Variants in SLC6A20 observed in about 807,000 individuals in gnomAD.
SLC6A20 encodes solute carrier family 6 member 20.
Under a neutral mutation model 64.3 loss-of-function variants are expected in SLC6A20, and 73 were observed. The observed-to-expected ratio is 1.14, with a 90% CI of 0.94 to 1.38. The LOEUF is 1.38. SLC6A20 is among the 40% of genes most tolerant of loss of function. SLC6A20 has a pLI of 0.00. For synonymous variants in SLC6A20, 347 were observed against 329.6 expected, an observed-to-expected ratio of 1.05 and a Z score of -0.57; for missense variants, 725 against 772.8, an observed-to-expected ratio of 0.94 and a Z score of 0.73.
rs746459390 is a variant in SLC6A20, at chr3:45,779,995, G to GC, written c.354+13dup. The GC allele has an allele frequency of 1.3e-6, 2 of 1,589,880 alleles. No individual in the cohort carries two copies. The highest frequency in any genetic ancestry group is 1.7e-6 in the Non-Finnish European group (2 of 1,167,602). On this transcript the variant is annotated intron_variant, in intron 3 of 10. Coordinates refer to ENST00000358525, the MANE Select transcript of SLC6A20 (RefSeq NM_020208.4). ...CGCTCCTACTCCTGTTCTGGCACGG[G>GC]CCCCCCGGCTCACCTGGAAGGAGTG... is the stretch of plus-strand genomic sequence containing the variant.
At chr3:45,793,699 T>A (rs985845207) in intron 1 of SLC6A20, among the ~76,000 whole-genome samples, 2 of 152,238 alleles carry the variant, frequency 1.3e-5, no homozygotes, top group African/African-American at 4.8e-5. Context: ...TGGCACAGCC[T>A]GGCTCTGTGG....
chr3:45,757,437 G>A lies in SLC6A20; in HGVS notation c.*1541C>T, dbSNP rs1252540430. ...GCAGAGGTCCCTGCAGCTTTCTGCT[G>A]TGCATTGTGTCCCTGGTTAATCGAG... On this transcript the variant is annotated 3_prime_UTR_variant, in exon 11 of 11. Coordinates refer to ENST00000358525, the MANE Select transcript of SLC6A20 (RefSeq NM_020208.4). 6.6e-6 allele frequency: 1 copy of A among 152,292 alleles called. No individual in the cohort carries two copies. The highest frequency in any genetic ancestry group is 6.5e-5 in the Admixed American group (1 of 15,268). 9.4% of individuals were successfully genotyped at this position (152,292 alleles called of 1,614,324 possible).
chr3:45,787,932 T>C (rs76890051), intron 1 of SLC6A20, among the ~76,000 whole-genome samples: 5,818 of 152,224 alleles, frequency 0.038, 361 homozygotes, highest in African/African-American at 0.13. Flanking sequence ...CTCCATCTCT[T>C]TATCCTGTTC....
In SLC6A20 at chr3:45,756,915, A is replaced by G. The variant is rs969949744; in HGVS notation, c.*2063T>C. On this transcript the variant is annotated 3_prime_UTR_variant, in exon 11 of 11. Transcript: ENST00000358525. ...TGAGTTCCCTCAGTATTTATTGATC[A>G]TTATTTTTACTGTCTTAGCGAGGGG... is the stretch of plus-strand genomic sequence containing the variant. The G allele has an allele frequency of 1.3e-5, 2 of 152,160 alleles. No individual in the cohort carries two copies. Among genetic ancestry groups the G allele is most frequent in the South Asian group, 4.1e-4 (2 of 4,822 alleles). 9.4% of individuals were successfully genotyped at this position (152,160 alleles called of 1,614,324 possible). A position where few individuals can be genotyped will look rare whatever the true frequency, so the allele number is the denominator to read the frequency against.
rs770985549 is a variant in SLC6A20, at chr3:45,759,041, C to T, written c.1716G>A (p.Leu572=). The change falls in exon 11 of 11, where the codon CTG becomes CTA. Residue 572 remains leucine, a synonymous_variant. Transcript: ENST00000358525. The part of the protein sequence containing the change: ...LVASSTMCIP[L]AALGTFVQRR... ...GCTGAACAAAAGTCCCCAGGGCCGCCAGGGGGATGCACATGGTGGAGGAGG... is the reference window on the plus strand; with the variant it reads ...GCTGAACAAAAGTCCCCAGGGCCGCTAGGGGGATGCACATGGTGGAGGAGG... The T allele has an allele frequency of 6.8e-6, 11 of 1,612,488 alleles. No individual in the cohort carries two copies. In the Admixed American group the frequency reaches 8.4e-5, roughly 12 times the overall value.
Position 45,772,501 on chromosome 3 carries a change from G to T in SLC6A20, c.693+4C>A, listed in dbSNP as rs2276858. ...CCGTAGGGCCCTTCCGCTTCAGCCC[G>T]TACCTTGGGAGTGAACATGTACATG... On this transcript the variant is annotated splice_donor_region_variant and intron_variant, in intron 5 of 10. Transcript: ENST00000358525. 1 of 1,609,932 alleles carries T rather than the reference G, an allele frequency of 6.2e-7. No individual in the cohort carries two copies.
chr3:45,790,851 C>A (rs960853156), intron 1 of SLC6A20, among the ~76,000 whole-genome samples: 1 of 152,236 alleles, frequency 6.6e-6, no homozygotes, highest in Non-Finnish European at 1.5e-5. Flanking sequence ...AGTTTCCTCT[C>A]CTGCCATTGC....
intron 9 of SLC6A20, among the ~76,000 whole-genome samples, chr3:45,760,246 C>A (rs1420076364): frequency 6.6e-6 from 1 of 152,182 alleles, no homozygotes; most frequent in Non-Finnish European, 1.5e-5. Context: ...GAGCAAGCAA[C>A]CCGCAGAGAG....
intron 4 of SLC6A20, among the ~76,000 whole-genome samples, chr3:45,774,189 A>G (rs555240485): frequency 6.6e-6 from 1 of 152,346 alleles, no homozygotes; most frequent in Admixed American, 6.5e-5. Context: ...ATTTACATAG[A>G]GCTGTTGGGG....
At chr3:45,785,734 C>T (rs777750810) in intron 1 of SLC6A20, among the ~76,000 whole-genome samples, 2 of 151,916 alleles carry the variant, frequency 1.3e-5, no homozygotes, top group Non-Finnish European at 2.9e-5. Flanking sequence ...AGATTAAATA[C>T]AGCCACACAT....
At chr3:45,796,233 C>T (rs1039880842) in intron 1 of SLC6A20, 66 bp downstream of exon 1, 2 of 1,548,608 alleles carry the variant, frequency 1.3e-6, no homozygotes, top group Non-Finnish European at 1.7e-6. Flanking sequence ...GGTCTAACCC[C>T]GGCTCGCACA....
At chr3:45,790,512 A>G (rs1402395750) in intron 1 of SLC6A20, 1 of 152,172 alleles carries the variant, frequency 6.6e-6, no homozygotes, top group Non-Finnish European at 1.5e-5. Context: ...TTGGAGTCAA[A>G]CCCAGTCAAC....
In SLC6A20 at chr3:45,772,526, G is replaced by A; in HGVS notation, c.672C>T (p.Leu224=). 1.2e-6 allele frequency: 2 copies of A among 1,613,886 alleles called. No homozygotes were observed. Among genetic ancestry groups the A allele is most frequent in the South Asian group, 2.2e-5 (2 of 91,036 alleles). Reference sequence around the variant, plus strand: ...GTACCTTGGGAGTGAACATGTACATGAGGCCATTGGTGGCTCCGTGGAGCG... The same window carrying A: ...GTACCTTGGGAGTGAACATGTACATAAGGCCATTGGTGGCTCCGTGGAGCG... ...GLTLHGATNG[L]MYMFTPKIEQ... is the part of the protein sequence containing the mutation. Residue 224 remains leucine, a synonymous_variant, in exon 5 of 11, where the codon CTC becomes CTT. Transcript: ENST00000358525.
intron 4 of SLC6A20, among the ~76,000 whole-genome samples, chr3:45,773,204 C>T (rs1192308137): frequency 2.0e-5 from 3 of 152,148 alleles, no homozygotes; most frequent in South Asian, 2.1e-4. Context: ...AGATTGGTCA[C>T]GAGTGCTCAT....
At chr3:45,781,680 G>A (rs1035974209) in intron 2 of SLC6A20, among the ~76,000 whole-genome samples, 1 of 152,212 alleles carries the variant, frequency 6.6e-6, no homozygotes, top group African/African-American at 2.4e-5. Context: ...TATCCTATAG[G>A]CTGGCTCCCA....
At position 45,780,632 on chromosome 3, in the gene SLC6A20, G is replaced by A. The variant is rs554577541; in HGVS notation, c.263-532C>T. ...GGTGTGAGGAGGCGGTGGGGAGGGG[G>A]CTGCCCGTAATTCGGTCAGGCCTGC... On this transcript the variant is annotated intron_variant, in intron 2 of 10. Coordinates refer to ENST00000358525, the MANE Select transcript of SLC6A20 (RefSeq NM_020208.4). 1.9e-4 allele frequency among the ~76,000 whole-genome samples: 29 copies of A among 152,270 alleles called. No homozygotes were observed. The East Asian group carries it at 4.8e-3, about 25-fold the overall frequency.
At chr3:45,770,084 G>T in intron 7 of SLC6A20, 125 bp downstream of exon 7, 1 of 1,293,600 alleles carries the variant, frequency 7.7e-7, no homozygotes, top group Admixed American at 2.3e-5. Flanking sequence ...GGAGTTGCAG[G>T]AAAAGTAATT....
Position 45,792,878 on chromosome 3 carries a change from G to A in SLC6A20, c.121+3421C>T, listed in dbSNP as rs146573676. 6.6e-5 allele frequency among the ~76,000 whole-genome samples: 10 copies of A among 152,224 alleles called. No individual in the cohort carries two copies. The East Asian group carries it at 1.5e-3, about 23-fold the overall frequency. On this transcript the variant is annotated intron_variant, in intron 1 of 10. Coordinates refer to ENST00000358525, the MANE Select transcript of SLC6A20 (RefSeq NM_020208.4). ...AAACATTTACTGGGACCCTACTGCC[G>A]GGCCTGGGGCCACAGAAGCAACCCT...
rs1463047411 is a variant in SLC6A20, at chr3:45,762,985, G to A, written c.1391C>T (p.Ala464Val). 26 of 1,614,008 alleles carry A rather than the reference G, an allele frequency of 1.6e-5. No homozygotes were observed. The highest frequency in any genetic ancestry group is 3.3e-5 in the Admixed American group (2 of 60,010). Residue 464 changes from alanine (A) to valine (V), a missense_variant, in exon 9 of 11, where the codon GCG (alanine) becomes GTG (valine). Coordinates refer to ENST00000358525, the MANE Select transcript of SLC6A20 (RefSeq NM_020208.4). Reference protein sequence around the residue: ...NYWFDIFNDYAATLSLLLIVL... With the variant: ...NYWFDIFNDYVATLSLLLIVL... The stretch of plus-strand genomic sequence containing the variant: ...GATGAGCAGCAGGGACAGTGTGGCC[G>A]CGTAGTCGTTGAATATGTCAAACCA...
Sources: allele counts gnomAD v4.1 joint callset (sites outside exome capture counted in the v4.1 genomes callset), GRCh38; gene constraint gnomAD v4.1.1; transcripts MANE v1.5; gene names NCBI Gene and HGNC (gene_info 2026-07-23, HGNC 2026-07-21).